TNKS: variants seen among roughly 807,000 people sequenced by gnomAD.
The protein encoded by TNKS is tankyrase.
A neutral mutation model predicts 135.8 loss-of-function variants in TNKS; 72 were observed. The observed-to-expected ratio is 0.53, with a 90% CI of 0.44 to 0.64. TNKS has a LOEUF of 0.64. Ranked by LOEUF, TNKS falls within the 30% of genes least tolerant of loss-of-function variation. TNKS has a pLI of 0.00. For synonymous variants in TNKS, 849 were observed against 649.3 expected (o/e 1.31, Z -4.68); for missense variants, 1,769 against 1,674.0 (o/e 1.06, Z -0.99).
chr8:9,646,411 T>C (rs1800921293), intron 3 of TNKS, among the ~76,000 whole-genome samples: 1 of 152,188 alleles, frequency 6.6e-6, no homozygotes, highest in South Asian at 2.1e-4. Flanking sequence ...TTCTAGCTTG[T>C]ATTATTGCAA....
intron 5 of TNKS, among the ~76,000 whole-genome samples, chr8:9,682,038 G>A (rs562134884): frequency 6.6e-6 from 1 of 152,170 alleles, no homozygotes; most frequent in South Asian, 2.1e-4. Context: ...CTTGGGAAGT[G>A]TTTTTAAATG....
chr8:9,654,968 G>T (rs7831183), intron 3 of TNKS, among the ~76,000 whole-genome samples: 25 of 152,308 alleles, frequency 1.6e-4, no homozygotes, highest in Non-Finnish European at 3.5e-4. Context: ...CCTGGGAAGC[G>T]CAAGGGGTCA....
intron 2 of TNKS, among the ~76,000 whole-genome samples, chr8:9,605,450 G>C (rs1585221502): frequency 6.6e-6 from 1 of 151,984 alleles, no homozygotes; most frequent in Non-Finnish European, 1.5e-5. Flanking sequence ...TCACATGCAA[G>C]TCTTTTGTGT....
chr8:9,601,673 T>C (rs1003999301), intron 2 of TNKS, among the ~76,000 whole-genome samples: 4 of 152,178 alleles, frequency 2.6e-5, no homozygotes, highest in Admixed American at 2.6e-4. Flanking sequence ...GTTATTAAGG[T>C]AGCTGAAGTA....
At chr8:9,718,841 A>G (rs1804731957) in intron 11 of TNKS, among the ~76,000 whole-genome samples, 1 of 152,224 alleles carries the variant, frequency 6.6e-6, no homozygotes, top group Non-Finnish European at 1.5e-5. Flanking sequence ...GGTGAAAATA[A>G]TCACTTTAGT....
intron 2 of TNKS, among the ~76,000 whole-genome samples, chr8:9,584,932 T>C (rs758809592): frequency 2.0e-5 from 3 of 152,156 alleles, no homozygotes; most frequent in Non-Finnish European, 2.9e-5. Context: ...CACTGTGGAA[T>C]ACCCCAACAT....
At chr8:9,629,876 G>A (rs893782263) in intron 3 of TNKS, among the ~76,000 whole-genome samples, 1 of 152,038 alleles carries the variant, frequency 6.6e-6, no homozygotes, top group East Asian at 1.9e-4. Flanking sequence ...TAGAGACGGG[G>A]TTTCACCGTG....
At chr8:9,762,133 A>T (rs1807177635) in intron 21 of TNKS, among the ~76,000 whole-genome samples, 1 of 152,092 alleles carries the variant, frequency 6.6e-6, no homozygotes, top group East Asian at 1.9e-4. Context: ...ACCTTTCTTA[A>T]CTTGAACTTT....
chr8:9,763,038 C>T, intron 21 of TNKS, 109 bp from the exon 22 acceptor site: 1 of 484,412 alleles, frequency 2.1e-6, no homozygotes, highest in East Asian at 3.4e-5. Context: ...TAGGTTTGTT[C>T]CAAAACCTCA....
At chr8:9,579,467 T>TTTATA (rs1798086606) in intron 1 of TNKS, among the ~76,000 whole-genome samples, 1 of 152,116 alleles carries the variant, frequency 6.6e-6, no homozygotes, top group Non-Finnish European at 1.5e-5. Flanking sequence ...TATTTATTTA[T>TTTATA]TTTTATTTTA....
intron 2 of TNKS, among the ~76,000 whole-genome samples, chr8:9,584,113 G>A (rs982989275): frequency 1.4e-5 from 2 of 145,462 alleles, no homozygotes; most frequent in South Asian, 4.3e-4. Context: ...GCAGTGAGCC[G>A]AGATTACACC....
chr8:9,564,257 C>A lies in TNKS; in HGVS notation c.673+7645C>A, dbSNP rs985654888. The stretch of plus-strand genomic sequence containing the variant: ...CCCCATCAATGAATTGAATAGGTCA[C>A]AGGCCAGGTGTTCTTTCCTGACGGG... On this transcript the variant is annotated intron_variant, in intron 1 of 26. Transcript: ENST00000310430. Among the ~76,000 whole-genome samples the A allele has an allele frequency of 3.9e-5, 6 of 152,128 alleles. No homozygotes were observed. The East Asian group carries it at 1.2e-3, about 29-fold the overall frequency.
intron 20 of TNKS, among the ~76,000 whole-genome samples, chr8:9,755,829 C>T (rs937434675): frequency 6.6e-6 from 1 of 152,146 alleles, no homozygotes; most frequent in South Asian, 2.1e-4. Flanking sequence ...TATTTCTGGT[C>T]CCAGAAGAAA....
chr8:9,766,255 T>C lies in TNKS; in HGVS notation c.3570T>C (p.Asn1190=), dbSNP rs1335836979. The C allele has an allele frequency of 6.2e-6, 10 of 1,605,570 alleles. No homozygotes were observed. Among genetic ancestry groups the C allele is most frequent in the Non-Finnish European group, 8.5e-6 (10 of 1,175,526 alleles). The change falls in exon 25 of 27, where the codon AAT becomes AAC. Residue 1190 remains asparagine (N), a synonymous_variant. Transcript: ENST00000310430. The part of the protein sequence containing the change: ...RMLFHGSPFI[N]AIIHKGFDER... ...TATTTCTAGGTTCTCCTTTCATTAA[T>C]GCCATTATTCATAAAGGGTTTGATG...
intron 2 of TNKS, 62 bp from the exon 3 acceptor site, chr8:9,615,520 C>T: frequency 1.4e-6 from 2 of 1,381,292 alleles, no homozygotes; most frequent in Non-Finnish European, 2.0e-6. Context: ...CGAGACGACA[C>T]TTACCAGTAA....
intron 3 of TNKS, among the ~76,000 whole-genome samples, chr8:9,629,830 C>T (rs951968695): frequency 1.3e-5 from 2 of 152,028 alleles, no homozygotes; most frequent in African/African-American, 2.4e-5. Context: ...CTACAGGCAC[C>T]CACCACCATG....
At chr8:9,576,091 G>A (rs1429138977) in intron 1 of TNKS, among the ~76,000 whole-genome samples, 2 of 152,114 alleles carry the variant, frequency 1.3e-5, no homozygotes, top group African/African-American at 4.8e-5. Context: ...TGTCCTCATG[G>A]CCAGTCACTG....
intron 17 of TNKS, among the ~76,000 whole-genome samples, chr8:9,744,983 A>C (rs1016512106): frequency 5.3e-5 from 8 of 152,238 alleles, no homozygotes; most frequent in Non-Finnish European, 1.2e-4. Context: ...GACTTTTTGT[A>C]ATTTTGGAAG....
chr8:9,724,720 C>G (rs1249927663), intron 12 of TNKS, among the ~76,000 whole-genome samples: 1 of 152,086 alleles, frequency 6.6e-6, no homozygotes, highest in African/African-American at 2.4e-5. Flanking sequence ...AGTAATTAAC[C>G]AATATTTTAA....
Sources: gnomAD v4.1 joint callset for allele counts (sites outside exome capture counted in the v4.1 genomes callset) on GRCh38, gnomAD v4.1.1 for gene constraint, MANE v1.5 for transcripts, NCBI Gene and HGNC (gene_info 2026-07-23, HGNC 2026-07-21) for gene names.